The following CERT1 variants were observed in gnomAD, a reference collection of about 807,000 sequenced individuals.
The protein encoded by CERT1 is ceramide transfer protein.
In CERT1, 31 loss-of-function variants were observed where a neutral mutation model predicts 87.9. The observed-to-expected ratio is 0.35, with a 90% CI of 0.27 to 0.48. The LOEUF is 0.48. Among genes scored for constraint, CERT1 ranks in the 20% least tolerant of loss-of-function variants. The pLI, the probability that CERT1 is intolerant of heterozygous loss-of-function variation, is 0.99. For missense variants in CERT1, 487 were observed against 758.0 expected, an observed-to-expected ratio of 0.64 and a Z score of 4.20; for synonymous variants, 289 against 250.9, an observed-to-expected ratio of 1.15 and a Z score of -1.44.
At chr5:75,403,339 G>A (rs532602390) in intron 8 of CERT1, among the ~76,000 whole-genome samples, 1 of 152,334 alleles carries the variant, frequency 6.6e-6, no homozygotes, top group African/African-American at 2.4e-5. Flanking sequence ...ATGGCCCAAG[G>A]GCCAAATCCA....
intron 2 of CERT1, among the ~76,000 whole-genome samples, chr5:75,501,083 G>A (rs1391591581): frequency 2.0e-5 from 3 of 151,824 alleles, no homozygotes; most frequent in Admixed American, 6.6e-5. Flanking sequence ...GCTGAAGCAG[G>A]TGATCCTCCC....
At chr5:75,429,821 T>G in intron 3 of CERT1, among the ~76,000 whole-genome samples, 1 of 144,166 alleles carries the variant, frequency 6.9e-6, no homozygotes, top group African/African-American at 2.6e-5. Context: ...CTAGATAAGT[T>G]CATCCAAATA....
chr5:75,446,326 T>G (rs538572434), intron 3 of CERT1, among the ~76,000 whole-genome samples: 11 of 152,314 alleles, frequency 7.2e-5, no homozygotes, highest in South Asian at 6.2e-4. Context: ...AGTTTCTAGC[T>G]CCATAATTTC....
In CERT1 at chr5:75,403,965, T is replaced by G. The variant is rs140512088; in HGVS notation, c.931-907A>C. 2.1e-3 allele frequency among the ~76,000 whole-genome samples: 318 copies of G among 152,238 alleles called. 1 individual carries two copies. In the East Asian group the frequency reaches 0.027, roughly 13 times the overall value. On this transcript the variant is annotated intron_variant, in intron 8 of 16. Coordinates refer to ENST00000643780, the MANE Select transcript of CERT1 (RefSeq NM_001379029.1). ...TATGTTCCTGCTGTGATGAACCAAGTAAGTGGAACAACAGCTTTGTATTAT... is the reference window on the plus strand; with the variant it reads ...TATGTTCCTGCTGTGATGAACCAAGGAAGTGGAACAACAGCTTTGTATTAT...
intron 14 of CERT1, 122 bp from the exon 15 acceptor site, chr5:75,382,199 G>A: frequency 6.3e-6 from 5 of 798,334 alleles, no homozygotes; most frequent in South Asian, 1.9e-5. Context: ...GAAAGCATCT[G>A]AGGATATCTA....
chr5:75,511,609 T>G lies in CERT1; in HGVS notation c.-402A>C. On this transcript the variant is annotated 5_prime_UTR_variant, in exon 1 of 17. Coordinates refer to ENST00000643780, the MANE Select transcript of CERT1 (RefSeq NM_001379029.1). ...TCACACCTCCGCTACCGCCGCCATC[T>G]TCCTGCCTGGCCCACTATTTACCCT... 1 of 1,470,686 alleles carries G rather than the reference T, an allele frequency of 6.8e-7. No individual in the cohort carries two copies. The highest frequency in any genetic ancestry group is 9.0e-7 in the Non-Finnish European group (1 of 1,110,152). 91.1% of individuals were successfully genotyped at this position (1,470,686 alleles called of 1,614,324 possible). A position where few individuals can be genotyped will look rare whatever the true frequency, so the allele number is the denominator to read the frequency against.
intron 2 of CERT1, among the ~76,000 whole-genome samples, chr5:75,489,626 A>G (rs1297240782): frequency 6.6e-6 from 1 of 152,234 alleles, no homozygotes; most frequent in African/African-American, 2.4e-5. Context: ...GCCAACAAAC[A>G]TGAAAAAAAG....
Position 75,393,476 on chromosome 5 carries a change from G to C in CERT1, c.1189-3789C>G, listed in dbSNP as rs375121380. Among the ~76,000 whole-genome samples the C allele has an allele frequency of 1.3e-4, 19 of 151,426 alleles. No individual in the cohort carries two copies. In the South Asian group the frequency reaches 2.1e-3, roughly 17 times the overall value. On this transcript the variant is annotated intron_variant, in intron 11 of 16. Coordinates refer to ENST00000643780, the MANE Select transcript of CERT1 (RefSeq NM_001379029.1). ...AAATTTGAAAAGAAAATTGCCTTTT[G>C]ATAGTACAATAAAAGTCTAAGTTGG...
chr5:75,478,081 G>A (rs541584114), intron 2 of CERT1, among the ~76,000 whole-genome samples: 20 of 152,310 alleles, frequency 1.3e-4, no homozygotes, highest in Admixed American at 3.9e-4. Context: ...GGGAGGCTGA[G>A]GCGGGCAGAT....
downstream of CERT1, chr5:75,374,064 T>G: frequency 2.5e-6 from 1 of 398,846 alleles, no homozygotes. Context: ...TTTTGTCATT[T>G]TTGTACACAA....
chr5:75,425,398 A>G lies in CERT1; in HGVS notation c.558T>C (p.Ala186=). ...DTLQKYFDAC[A]DAVSKDELQR... ...GAAGTTCATCCTTAGAGACAGCATC[A>G]GCACAGGCATCAAAGTACTTCTGTA... Residue 186 remains alanine (A), a synonymous_variant, in exon 5 of 17, where the codon GCT becomes GCC. Coordinates refer to ENST00000643780, the MANE Select transcript of CERT1 (RefSeq NM_001379029.1). The G allele has an allele frequency of 6.2e-7, 1 of 1,614,102 alleles. No individual in the cohort carries two copies. Among genetic ancestry groups the G allele is most frequent in the Non-Finnish European group, 8.5e-7 (1 of 1,179,956 alleles).
At chr5:75,486,609 C>T (rs1372070637) in intron 2 of CERT1, among the ~76,000 whole-genome samples, 2 of 151,894 alleles carry the variant, frequency 1.3e-5, no homozygotes, top group Non-Finnish European at 2.9e-5. Context: ...AAAACTCCAC[C>T]AAAACTATTA....
intron 5 of CERT1, among the ~76,000 whole-genome samples, chr5:75,423,387 A>G (rs992357137): frequency 4.4e-4 from 63 of 141,796 alleles, no homozygotes; most frequent in African/African-American, 1.7e-3. Context: ...TAGAGGGGAA[A>G]AAAAAAAAAT....
intron 2 of CERT1, among the ~76,000 whole-genome samples, chr5:75,465,039 A>G (rs964913237): frequency 6.6e-6 from 1 of 152,176 alleles, no homozygotes. Context: ...CATGACGGAC[A>G]TGGTTCAGAC....
intron 12 of CERT1, among the ~76,000 whole-genome samples, chr5:75,388,626 A>ATCTATCTATCTATCTATC (rs1761907446): frequency 1.1e-5 from 1 of 88,234 alleles, no homozygotes; most frequent in African/African-American, 5.7e-5. Context: ...ATATATATAT[A>ATCTATCTATCTATCTATC]TATATATATA....
upstream of CERT1, chr5:75,511,738 G>A: frequency 6.5e-7 from 1 of 1,550,248 alleles, no homozygotes; most frequent in Non-Finnish European, 8.7e-7. Context: ...GAGCCTTCGG[G>A]ATCCTCCTCC....
intron 2 of CERT1, among the ~76,000 whole-genome samples, chr5:75,460,607 C>A (rs1285124871): frequency 1.3e-5 from 2 of 152,128 alleles, no homozygotes; most frequent in African/African-American, 4.8e-5. Context: ...CAATCAATAT[C>A]CTCTCCTAAA....
Position 75,511,121 on chromosome 5 carries a change from G to A in CERT1, c.87C>T (p.Val29=), listed in dbSNP as rs1001269365. The A allele has an allele frequency of 1.3e-6, 2 of 1,586,568 alleles. No homozygotes were observed. Among genetic ancestry groups the A allele is most frequent in the African/African-American group, 2.7e-5 (2 of 74,350 alleles). ...ACCAGGGGTTGCTCACCTTACTGAG[G>A]ACCCCGCAGCGCTCCACAGGCGGCC... ...ESGPPVERCG[V]LSKWTNYIHG... is the part of the protein sequence containing the mutation. The change falls in exon 1 of 17, where the codon GTC becomes GTT. Residue 29 remains valine (V), a synonymous_variant. Coordinates refer to ENST00000643780, the MANE Select transcript of CERT1 (RefSeq NM_001379029.1).
chr5:75,398,600 T>C (rs1239247449), intron 11 of CERT1, among the ~76,000 whole-genome samples: 2 of 152,016 alleles, frequency 1.3e-5, no homozygotes, highest in African/African-American at 4.8e-5. Context: ...ATGTGAAGAT[T>C]AAGAAAATTA....
Sources: allele counts gnomAD v4.1 joint callset (sites outside exome capture counted in the v4.1 genomes callset), GRCh38; gene constraint gnomAD v4.1.1; transcripts MANE v1.5; gene names NCBI Gene and HGNC (gene_info 2026-07-23, HGNC 2026-07-21).